SYK: variants seen among roughly 807,000 people sequenced by gnomAD.
SYK encodes the protein spleen associated tyrosine kinase.
Under a neutral mutation model 77.8 loss-of-function variants are expected in SYK, and 16 were observed. That is an observed-to-expected ratio of 0.21 (90% confidence interval 0.14 to 0.31). SYK has a LOEUF of 0.31. SYK is among the 10% of genes least tolerant of loss of function. The pLI, the probability that SYK is intolerant of heterozygous loss-of-function variation, is 1.00. For synonymous variants in SYK, 312 were observed against 308.7 expected (o/e 1.01, Z -0.11); for missense variants, 529 against 814.4 (o/e 0.65, Z 4.26).
rs199593787 is a variant in SYK at position 90,896,459 on chromosome 9, G to A, written c.*859G>A. 3.9e-5 allele frequency: 9 copies of A among 233,110 alleles called. No individual in the cohort carries two copies. Among genetic ancestry groups the A allele is most frequent in the Admixed American group, 1.7e-4 (3 of 17,772 alleles). 14.4% of individuals were successfully genotyped at this position (233,110 alleles called of 1,614,324 possible). A position where few individuals can be genotyped will look rare whatever the true frequency, so the allele number is the denominator to read the frequency against. On this transcript the variant is annotated 3_prime_UTR_variant, in exon 14 of 14. Transcript: ENST00000375754. ...AGCTTCAGGCTGCCTTCCTCTGAAC[G>A]TGGTCCACACCTTCCTCTCCTCCAC...
intron 4 of SYK, 101 bp downstream of exon 4, chr9:90,862,445 G>A (rs2118786572): frequency 1.4e-6 from 2 of 1,395,146 alleles, no homozygotes; most frequent in Non-Finnish European, 1.9e-6. Context: ...ACCACCCACT[G>A]CCCACAGTGT....
intron 1 of SYK, among the ~76,000 whole-genome samples, chr9:90,842,491 A>G (rs1826404692): frequency 6.8e-6 from 1 of 147,458 alleles, no homozygotes; most frequent in South Asian, 2.2e-4. Context: ...GTTTGTGTGT[A>G]TGTGTATGTG....
chr9:90,830,360 G>T (rs1825835031), intron 1 of SYK, among the ~76,000 whole-genome samples: 1 of 152,238 alleles, frequency 6.6e-6, no homozygotes, highest in Non-Finnish European at 1.5e-5. Context: ...GAGGCCACAG[G>T]TCTGTGTCCA....
chr9:90,880,154 T>C (rs1188220507), intron 11 of SYK, among the ~76,000 whole-genome samples: 1 of 152,134 alleles, frequency 6.6e-6, no homozygotes, highest in Non-Finnish European at 1.5e-5. Flanking sequence ...CCTGCAGTGG[T>C]CAGAGACCCC....
chr9:90,857,128 G>A (rs553193792), intron 3 of SYK, among the ~76,000 whole-genome samples: 1 of 152,324 alleles, frequency 6.6e-6, no homozygotes, highest in South Asian at 2.1e-4. Context: ...GTGAATTTGC[G>A]GCTTAGGAAA....
At chr9:90,853,887 T>C (rs141740205) in intron 3 of SYK, among the ~76,000 whole-genome samples, 1 of 151,096 alleles carries the variant, frequency 6.6e-6, no homozygotes, top group South Asian at 2.1e-4. Context: ...TAAAATAAAA[T>C]AAAATAAAAA....
At chr9:90,871,124 A>C (rs1441753428) in intron 7 of SYK, among the ~76,000 whole-genome samples, 1 of 152,228 alleles carries the variant, frequency 6.6e-6, no homozygotes, top group Non-Finnish European at 1.5e-5. Flanking sequence ...AACTGGACTT[A>C]TTATTGCAGA....
At chr9:90,825,440 T>C (rs950364557) in intron 1 of SYK, among the ~76,000 whole-genome samples, 6 of 152,144 alleles carry the variant, frequency 3.9e-5, no homozygotes, top group African/African-American at 1.4e-4. Context: ...AAGGACAAAG[T>C]TGGAGGACTC....
chr9:90,810,700 T>C (rs1289983799), intron 1 of SYK, among the ~76,000 whole-genome samples: 1 of 152,148 alleles, frequency 6.6e-6, no homozygotes, highest in Non-Finnish European at 1.5e-5. Context: ...TTAAGCACAT[T>C]AAAATACTTA....
chr9:90,849,431 G>A (rs1309694042), intron 3 of SYK, among the ~76,000 whole-genome samples: 1 of 152,096 alleles, frequency 6.6e-6, no homozygotes. Context: ...TGAATTGTTT[G>A]GATCCATTCT....
chr9:90,836,286 CAAA>C (rs35155641), intron 1 of SYK, among the ~76,000 whole-genome samples: 8 of 108,846 alleles, frequency 7.3e-5, no homozygotes, highest in East Asian at 2.6e-4. Flanking sequence ...GACTTCATCT[CAAA>C]AAAAAAAAAA....
intron 1 of SYK, among the ~76,000 whole-genome samples, chr9:90,836,925 G>T (rs953059430): frequency 2.0e-5 from 3 of 152,072 alleles, no homozygotes; most frequent in African/African-American, 4.8e-5. Flanking sequence ...TAAATTTATG[G>T]TATTGATAAA....
At chr9:90,866,661 C>G (rs1303695449) in intron 6 of SYK, among the ~76,000 whole-genome samples, 1 of 152,116 alleles carries the variant, frequency 6.6e-6, no homozygotes, top group African/African-American at 2.4e-5. Flanking sequence ...TTTGGAATAA[C>G]TTTTTAATTG....
At chr9:90,880,200 C>T (rs1216509774) in intron 11 of SYK, among the ~76,000 whole-genome samples, 2 of 152,208 alleles carry the variant, frequency 1.3e-5, no homozygotes, top group African/African-American at 4.8e-5. Context: ...TCACCTTTCC[C>T]TAAGAGGCAG....
chr9:90,820,491 G>A (rs909415080), intron 1 of SYK, among the ~76,000 whole-genome samples: 3 of 152,208 alleles, frequency 2.0e-5, no homozygotes, highest in African/African-American at 4.8e-5. Context: ...AACACCACGT[G>A]GAAGCTGCCA....
chr9:90,817,882 T>TGTGTGAGAGA (rs1302553724), intron 1 of SYK, among the ~76,000 whole-genome samples: 6 of 66,866 alleles, frequency 9.0e-5, no homozygotes, highest in African/African-American at 3.2e-4. Flanking sequence ...TGTGTGTGTG[T>TGTGTGAGAGA]GAGAGAGAGA....
At chr9:90,811,850 C>T (rs1401172750) in intron 1 of SYK, among the ~76,000 whole-genome samples, 1 of 149,608 alleles carries the variant, frequency 6.7e-6, no homozygotes, top group African/African-American at 2.5e-5. Context: ...CACTTGAGTC[C>T]AAGAGGTCAA....
intron 1 of SYK, among the ~76,000 whole-genome samples, chr9:90,809,421 G>A (rs897883764): frequency 6.6e-6 from 1 of 152,196 alleles, no homozygotes; most frequent in Non-Finnish European, 1.5e-5. Context: ...CTAATAAGGC[G>A]TAAAAGAGGA....
At position 90,896,858 on chromosome 9, in the gene SYK, C is replaced by G. The variant is rs967000556; in HGVS notation, c.*1258C>G. The G allele has an allele frequency of 9.9e-6, 2 of 202,518 alleles. No homozygotes were observed. Among genetic ancestry groups the G allele is most frequent in the Admixed American group, 1.2e-4 (2 of 16,622 alleles). 12.5% of individuals were successfully genotyped at this position (202,518 alleles called of 1,614,324 possible). A position where few individuals can be genotyped will look rare whatever the true frequency, so the allele number is the denominator to read the frequency against. ...CCTGGCCAATATGGTAAAACCCCAT[C>G]TCTACTAAAAATACAAAAATTAGCC... is the stretch of plus-strand genomic sequence containing the variant. On this transcript the variant is annotated 3_prime_UTR_variant, in exon 14 of 14. Transcript: ENST00000375754.
Sources: allele counts gnomAD v4.1 joint callset (sites outside exome capture counted in the v4.1 genomes callset), GRCh38; gene constraint gnomAD v4.1.1; transcripts MANE v1.5; gene names NCBI Gene and HGNC (gene_info 2026-07-23, HGNC 2026-07-21).